GPC6: variants seen among roughly 807,000 people sequenced by gnomAD.
GPC6 encodes glypican 6.
GPC6 carries 14 observed loss-of-function variants against 55.2 expected under a neutral mutation model. That is an observed-to-expected ratio of 0.25 (90% confidence interval 0.17 to 0.40). The LOEUF (loss-of-function observed/expected upper bound fraction) is 0.40. Among genes scored for constraint, GPC6 ranks in the 10% least tolerant of loss-of-function variants. The pLI is 1.00. For synonymous variants in GPC6, 278 were observed against 259.6 expected (o/e 1.07, Z -0.68); for missense variants, 641 against 708.5 (o/e 0.90, Z 1.08).
chr13:93,953,198 C>T (rs1295719153), intron 3 of GPC6, among the ~76,000 whole-genome samples: 3 of 151,986 alleles, frequency 2.0e-5, no homozygotes, highest in African/African-American at 7.2e-5. Flanking sequence ...CTTCCATGGT[C>T]TCCCTAAAAC....
At chr13:93,248,438 T>G (rs970220175) in intron 1 of GPC6, among the ~76,000 whole-genome samples, 13 of 68,524 alleles carry the variant, frequency 1.9e-4, no homozygotes, top group Admixed American at 1.7e-3. Flanking sequence ...ACAAAAAGTG[T>G]TTTTTTTTTT....
At chr13:93,596,118 A>G (rs1184372381) in intron 2 of GPC6, among the ~76,000 whole-genome samples, 1 of 152,098 alleles carries the variant, frequency 6.6e-6, no homozygotes, top group Non-Finnish European at 1.5e-5. Context: ...ATCTTTGCCC[A>G]ATTCTCTCCT....
At chr13:94,339,383 C>T (rs1877900001) in intron 6 of GPC6, among the ~76,000 whole-genome samples, 2 of 151,994 alleles carry the variant, frequency 1.3e-5, no homozygotes, top group South Asian at 4.1e-4. Context: ...AGTTTTCTTT[C>T]CTAATCACTC....
Position 94,072,785 on chromosome 13 carries a change from T to A in GPC6, c.877+44891T>A, listed in dbSNP as rs147411347. Among the ~76,000 whole-genome samples the A allele has an allele frequency of 3.3e-3, 507 of 152,338 alleles. 4 individuals are homozygous for A. The highest frequency in any genetic ancestry group is 4.8e-3 in the Non-Finnish European group (327 of 68,038). ...ACAAGACAAACGAGTCAAATAGCAATGACAGGGCAAAGTGGCATGTGCTTA... is the reference window on the plus strand; with the variant it reads ...ACAAGACAAACGAGTCAAATAGCAAAGACAGGGCAAAGTGGCATGTGCTTA... On this transcript the variant is annotated intron_variant, in intron 4 of 8. Coordinates refer to ENST00000377047, the MANE Select transcript of GPC6 (RefSeq NM_005708.5).
intron 2 of GPC6, among the ~76,000 whole-genome samples, chr13:93,813,228 C>T (rs1218160679): frequency 3.9e-5 from 6 of 152,060 alleles, no homozygotes; most frequent in African/African-American, 1.2e-4. Context: ...CCAGCCTGAT[C>T]AACTTGGTGA....
chr13:93,481,118 A>G (rs985954126), intron 1 of GPC6, among the ~76,000 whole-genome samples: 1 of 152,062 alleles, frequency 6.6e-6, no homozygotes, highest in African/African-American at 2.4e-5. Context: ...TGTCCCTTTG[A>G]TTATAGTCAT....
At chr13:93,614,854 A>G (rs1219840476) in intron 2 of GPC6, among the ~76,000 whole-genome samples, 2 of 152,100 alleles carry the variant, frequency 1.3e-5, no homozygotes, top group East Asian at 3.8e-4. Context: ...GGAGTGAGGA[A>G]TCTTGTCCTA....
chr13:93,581,957 A>G (rs2139490216), intron 2 of GPC6, among the ~76,000 whole-genome samples: 1 of 152,270 alleles, frequency 6.6e-6, no homozygotes, highest in South Asian at 2.1e-4. Context: ...TTTACATAAG[A>G]TATCAGGGGT....
At chr13:93,279,914 G>T (rs1252986348) in intron 1 of GPC6, among the ~76,000 whole-genome samples, 1 of 152,126 alleles carries the variant, frequency 6.6e-6, no homozygotes, top group Admixed American at 6.6e-5. Flanking sequence ...TTTTGATTGT[G>T]ATCTGTGTAA....
At chr13:94,247,564 G>A (rs1440742663) in intron 4 of GPC6, among the ~76,000 whole-genome samples, 1 of 152,042 alleles carries the variant, frequency 6.6e-6, no homozygotes, top group Non-Finnish European at 1.5e-5. Context: ...AAAAAAGTAT[G>A]TTGAACTTTG....
At chr13:93,402,507 A>G (rs1876129171) in intron 1 of GPC6, among the ~76,000 whole-genome samples, 1 of 152,146 alleles carries the variant, frequency 6.6e-6, no homozygotes, top group Admixed American at 6.6e-5. Flanking sequence ...AGTTAGCTGC[A>G]TTTGATGCAT....
intron 4 of GPC6, among the ~76,000 whole-genome samples, chr13:94,235,120 TA>T (rs1329610832): frequency 6.6e-6 from 1 of 151,946 alleles, no homozygotes; most frequent in African/African-American, 2.4e-5. Context: ...CACAATAAGT[TA>T]AAAAAAGAAA....
chr13:93,683,102 A>C (rs1881914412), intron 2 of GPC6, among the ~76,000 whole-genome samples: 1 of 149,338 alleles, frequency 6.7e-6, no homozygotes, highest in Non-Finnish European at 1.5e-5. Context: ...CTGAAAAATA[A>C]CATTTATCAT....
intron 1 of GPC6, among the ~76,000 whole-genome samples, chr13:93,440,001 G>A (rs530177085): frequency 1.3e-5 from 2 of 152,284 alleles, no homozygotes; most frequent in South Asian, 4.1e-4. Context: ...ACAGTGTGTG[G>A]CACAGACAAT....
At chr13:93,340,477 GA>G (rs1391343646) in intron 1 of GPC6, among the ~76,000 whole-genome samples, 1 of 152,162 alleles carries the variant, frequency 6.6e-6, no homozygotes, top group Non-Finnish European at 1.5e-5. Context: ...ATAAATAAAA[GA>G]AAGTAATTTT....
intron 3 of GPC6, among the ~76,000 whole-genome samples, chr13:93,928,190 G>A (rs1219981185): frequency 6.6e-6 from 1 of 152,100 alleles, no homozygotes; most frequent in East Asian, 1.9e-4. Context: ...GAGTATAGGT[G>A]GAGAAACATC....
intron 1 of GPC6, among the ~76,000 whole-genome samples, chr13:93,367,186 A>G (rs915038949): frequency 4.6e-5 from 7 of 152,138 alleles, no homozygotes; most frequent in Admixed American, 4.6e-4. Flanking sequence ...GAAAGAGCTT[A>G]CCTTACAAAA....
Position 93,676,106 on chromosome 13 carries a change from TAAAAA to T in GPC6, c.319+130702_319+130706del, listed in dbSNP as rs760322815. Among the ~76,000 whole-genome samples, 80 of 23,072 alleles carry T rather than the reference TAAAAA, an allele frequency of 3.5e-3. 1 individual carries two copies. The highest frequency in any genetic ancestry group is 7.0e-3 in the African/African-American group (70 of 9,948). The allele number at this position is 23,072 out of a possible 152,430, so 15.1% of individuals were successfully genotyped here. On this transcript the variant is annotated intron_variant, in intron 2 of 8. Coordinates refer to ENST00000377047, the MANE Select transcript of GPC6 (RefSeq NM_005708.5). The stretch of plus-strand genomic sequence containing the variant: ...GCCAACACAGCAAAACTGTTTCTAC[TAAAAA>T]AAAAAAAAAAAAAAAATATATATAT...
At chr13:93,933,784 T>C (rs1878296951) in intron 3 of GPC6, among the ~76,000 whole-genome samples, 1 of 152,214 alleles carries the variant, frequency 6.6e-6, no homozygotes, top group African/African-American at 2.4e-5. Flanking sequence ...TAGAGTATGT[T>C]TAAATCCAAT....
Sources: gnomAD v4.1 joint callset for allele counts (sites outside exome capture counted in the v4.1 genomes callset) on GRCh38, gnomAD v4.1.1 for gene constraint, MANE v1.5 for transcripts, NCBI Gene and HGNC (gene_info 2026-07-23, HGNC 2026-07-21) for gene names.